Variants in BICRA observed in about 807,000 individuals in gnomAD.
BICRA encodes BRD4 interacting chromatin remodeling complex associated protein.
Under a neutral mutation model 96.9 loss-of-function variants are expected in BICRA, and 31 were observed. The ratio of observed to expected loss-of-function variants is 0.32; its 90% CI spans 0.24 to 0.43. The LOEUF is 0.43. Among genes scored for constraint, BICRA ranks in the 20% least tolerant of loss-of-function variants. The pLI is 1.00. For synonymous variants in BICRA, 1,350 were observed against 1,071.8 expected, an observed-to-expected ratio of 1.26 and a Z score of -5.07; for missense variants, 2,283 against 2,190.3, an observed-to-expected ratio of 1.04 and a Z score of -0.84.
At chr19:47,697,220 G>T (rs1475368730) in intron 11 of BICRA, among the ~76,000 whole-genome samples, 1 of 151,996 alleles carries the variant, frequency 6.6e-6, no homozygotes, top group East Asian at 1.9e-4. Context: ...TTGGCCTCAA[G>T]TGATCCACCT....
chr19:47,701,892 T>C lies in BICRA; in HGVS notation c.4160T>C (p.Leu1387Pro), dbSNP rs1438408253. The C allele has an allele frequency of 2.1e-6, 3 of 1,448,312 alleles. No homozygotes were observed. The highest frequency in any genetic ancestry group is 2.7e-6 in the Non-Finnish European group (3 of 1,108,358). 89.7% of individuals were successfully genotyped at this position (1,448,312 alleles called of 1,614,324 possible). ...GTAPHCPRLPLRKTYRENVGG... is the reference protein window; with the variant it reads ...GTAPHCPRLPPRKTYRENVGG... ...GCCCCGCACTGCCCGCGCCTGCCAC[T>C]GCGCAAGACCTACCGCGAGAACGTG... The change falls in exon 15 of 15, where the codon CTG becomes CCG. Residue 1387 changes from leucine (L) to proline (P), a missense_variant. Leu to Pro is a moderately conservative substitution (Grantham distance 98). Transcript: ENST00000594866. This position sits in a 1 kb window ranked among gnomAD's most constrained non-coding sequence, Gnocchi z 5.4.
intron 7 of BICRA, among the ~76,000 whole-genome samples, chr19:47,690,396 A>G (rs1188120562): frequency 6.6e-6 from 1 of 152,212 alleles, no homozygotes; most frequent in Non-Finnish European, 1.5e-5. Context: ...TATAACTTGG[A>G]TAGCTACTGC....
chr19:47,625,849 G>T (rs972780659), intron 1 of BICRA, among the ~76,000 whole-genome samples: 2 of 152,060 alleles, frequency 1.3e-5, no homozygotes, highest in African/African-American at 4.8e-5. Context: ...AGGCCGTGGG[G>T]CTGTGTGGGG....
At chr19:47,659,298 A>G (rs2123558856) in intron 1 of BICRA, among the ~76,000 whole-genome samples, 1 of 152,350 alleles carries the variant, frequency 6.6e-6, no homozygotes, top group East Asian at 1.9e-4. Context: ...AAGATGGTGT[A>G]GATTTTAATT....
At chr19:47,695,177 C>T in intron 9 of BICRA, 97 bp downstream of exon 9, 1 of 876,120 alleles carries the variant, frequency 1.1e-6, no homozygotes, top group Middle Eastern at 3.5e-4. Flanking sequence ...GGCTGTGGGA[C>T]TCAGCACAGG....
In BICRA at chr19:47,694,203, T is replaced by TG; in HGVS notation, c.2373dup (p.Pro792AlafsTer79). ...GCCCCTCTGGGGGACAGCCCCCACC[T>TG]GCCCTCCCCACACCCCACCCGGCCC... On this transcript the variant is annotated frameshift_variant, in exon 8 of 15. Coordinates refer to ENST00000594866, the MANE Select transcript of BICRA (RefSeq NM_001394372.1). LOFTEE classifies it high-confidence loss of function. The TG allele has an allele frequency of 4.4e-6, 3 of 678,170 alleles. No homozygotes were observed. The highest frequency in any genetic ancestry group is 5.4e-6 in the Non-Finnish European group (3 of 551,036). 42.0% of individuals were successfully genotyped at this position (678,170 alleles called of 1,614,324 possible). A position where few individuals can be genotyped will look rare whatever the true frequency, so the allele number is the denominator to read the frequency against.
intron 1 of BICRA, among the ~76,000 whole-genome samples, chr19:47,655,616 G>T (rs888341836): frequency 3.3e-5 from 5 of 151,392 alleles, no homozygotes; most frequent in African/African-American, 1.2e-4. Flanking sequence ...ACTTTGGGAG[G>T]CTGAGGCGGG....
chr19:47,624,710 T>C (rs546744493), intron 1 of BICRA, among the ~76,000 whole-genome samples: 1 of 151,934 alleles, frequency 6.6e-6, no homozygotes, highest in Admixed American at 6.6e-5. Flanking sequence ...TTTTTTTCTT[T>C]GGAAGATAGG....
chr19:47,702,860 G>A lies in BICRA; in HGVS notation c.*445G>A, dbSNP rs113315863. On this transcript the variant is annotated 3_prime_UTR_variant, in exon 15 of 15. Transcript: ENST00000594866. ...TTCCAGACAGTCTCAGCCTCTCCCC[G>A]CCGCCCCCAACAGGCTGTCAAACAA... The A allele has an allele frequency of 0.01, 1,926 of 185,484 alleles. 40 individuals carry two copies. Among genetic ancestry groups the A allele is most frequent in the African/African-American group, 0.043 (1,815 of 42,010 alleles). The allele number at this position is 185,484 out of a possible 1,614,324, so 11.5% of individuals were successfully genotyped here.
Position 47,681,984 on chromosome 19 carries a change from C to T in BICRA, c.2115C>T (p.Ser705=), listed in dbSNP as rs2123590259. The T allele has an allele frequency of 1.3e-6, 2 of 1,563,898 alleles. No homozygotes were observed. The highest frequency in any genetic ancestry group is 2.3e-5 in the South Asian group (2 of 86,018). The stretch of plus-strand genomic sequence containing the variant: ...CGGGCTGCCCGTTGCAGGAGAGGAG[C>T]CAGCAGCCCCTCTCCGCAGAGGGCC... ...SLQMFLPQER[S]QQPLSAEGPH... The change falls in exon 7 of 15, where the codon AGC becomes AGT. Residue 705 remains serine (S), a synonymous_variant. Coordinates refer to ENST00000594866, the MANE Select transcript of BICRA (RefSeq NM_001394372.1).
At chr19:47,645,054 T>A (rs1972439202) in intron 1 of BICRA, among the ~76,000 whole-genome samples, 1 of 152,188 alleles carries the variant, frequency 6.6e-6, no homozygotes, top group Admixed American at 6.5e-5. Context: ...GAACATTGAT[T>A]GATACAACAC....
At position 47,702,010 on chromosome 19, in the gene BICRA, C is replaced by A; in HGVS notation, c.4278C>A (p.Ser1426Arg). The A allele has an allele frequency of 6.7e-7, 1 of 1,488,148 alleles. No homozygotes were observed. Among genetic ancestry groups the A allele is most frequent in the Non-Finnish European group, 8.9e-7 (1 of 1,128,042 alleles). The allele number at this position is 1,488,148 out of a possible 1,614,324, so 92.2% of individuals were successfully genotyped here. ...CCGCCAAAGTGGACGAGGCCACCAG[C>A]GGGCTCATCCGCGAGCTGGCGGCCG... ...PLPAKVDEAT[S>R]GLIRELAAVE... is the part of the protein sequence containing the mutation. The change falls in exon 15 of 15, where the codon AGC becomes AGA. Residue 1426 changes from serine to arginine, a missense_variant. Physicochemically the swap from Ser to Arg is moderately radical, Grantham distance 110. Transcript: ENST00000594866.
At chr19:47,641,208 C>T (rs1972381648) in intron 1 of BICRA, among the ~76,000 whole-genome samples, 2 of 151,514 alleles carry the variant, frequency 1.3e-5, no homozygotes, top group South Asian at 4.2e-4. Context: ...ACATCAGCCA[C>T]CGCACCTGGC....
chr19:47,694,870 C>A, intron 8 of BICRA, 30 bp from the exon 9 acceptor site: 1 of 1,475,642 alleles, frequency 6.8e-7, no homozygotes. Context: ...CCTATGTTCC[C>A]CACCCCTCAT....
chr19:47,608,610 C>G (rs1971843996), upstream of BICRA, among the ~76,000 whole-genome samples: 1 of 152,020 alleles, frequency 6.6e-6, no homozygotes, highest in African/African-American at 2.4e-5. Context: ...GATCAGGGCT[C>G]GAGGCAGTCG....
chr19:47,661,413 C>T (rs1433374998), intron 1 of BICRA, among the ~76,000 whole-genome samples: 2 of 151,832 alleles, frequency 1.3e-5, no homozygotes, highest in African/African-American at 2.4e-5. Flanking sequence ...GGGGCAGGTC[C>T]AGTCGGTGGC....
intron 1 of BICRA, among the ~76,000 whole-genome samples, chr19:47,616,296 T>A (rs1971983443): frequency 6.6e-6 from 1 of 152,194 alleles, no homozygotes; most frequent in African/African-American, 2.4e-5. Flanking sequence ...CCCAAGTTGC[T>A]ATGGCCTTTC....
chr19:47,653,898 T>TCTCAGCTCACTGCAAC (rs369540115), intron 1 of BICRA, among the ~76,000 whole-genome samples: 65 of 152,268 alleles, frequency 4.3e-4, no homozygotes, highest in African/African-American at 1.5e-3. Context: ...AGTGGCGCAA[T>TCTCAGCTCACTGCAAC]CTCAGCTCAC....
At chr19:47,624,811 A>G (rs139202742) in intron 1 of BICRA, among the ~76,000 whole-genome samples, 215 of 151,402 alleles carry the variant, frequency 1.4e-3, no homozygotes, top group African/African-American at 4.9e-3. Flanking sequence ...CTCCAACCTC[A>G]GCTACCCGAG....
Sources: allele counts gnomAD v4.1 joint callset (sites outside exome capture counted in the v4.1 genomes callset), GRCh38; gene constraint gnomAD v4.1.1; non-coding constraint Gnocchi (gnomAD v3.1); transcripts MANE v1.5; gene names NCBI Gene and HGNC (gene_info 2026-07-23, HGNC 2026-07-21).